Variants in SAMD12 observed in about 807,000 individuals in gnomAD.
SAMD12 encodes the protein sterile alpha motif domain-containing protein 12.
SAMD12 carries 9 observed loss-of-function variants against 15.0 expected under a neutral mutation model. The ratio of observed to expected loss-of-function variants is 0.60; its 90% CI spans 0.36 to 1.05. SAMD12 has a LOEUF of 1.05. Ranked by LOEUF, SAMD12 falls within the 50% of genes least tolerant of loss-of-function variation. The pLI is 0.01. For synonymous variants in SAMD12, 86 were observed against 90.1 expected, an observed-to-expected ratio of 0.96 and a Z score of 0.25; for missense variants, 230 against 234.2, an observed-to-expected ratio of 0.98 and a Z score of 0.12.
At chr8:118,363,724 C>T (rs1818623051) in intron 4 of SAMD12, among the ~76,000 whole-genome samples, 1 of 152,204 alleles carries the variant, frequency 6.6e-6, no homozygotes, top group African/African-American at 2.4e-5. Context: ...TCTATACATA[C>T]ATACATTCTT....
chr8:118,619,024 C>A (rs183801077), intron 1 of SAMD12, among the ~76,000 whole-genome samples: 11 of 152,234 alleles, frequency 7.2e-5, no homozygotes, highest in African/African-American at 2.6e-4. Flanking sequence ...GTAAACTGAT[C>A]ATTACTTGGC....
the SAMD12 span, among the ~76,000 whole-genome samples, chr8:118,163,921 C>G: frequency 2.1e-5 from 3 of 140,344 alleles, no homozygotes; most frequent in African/African-American, 7.9e-5. Context: ...AACAAAAAAA[C>G]AAACCTGGGG....
chr8:118,533,259 T>A (rs372222896), intron 2 of SAMD12, among the ~76,000 whole-genome samples: 5 of 152,292 alleles, frequency 3.3e-5, no homozygotes, highest in East Asian at 1.9e-4. Flanking sequence ...TTTGAGTGAG[T>A]TTCTTAATCC....
downstream of SAMD12, among the ~76,000 whole-genome samples, chr8:118,373,083 T>C (rs1395945952): frequency 6.6e-6 from 1 of 152,184 alleles, no homozygotes; most frequent in Non-Finnish European, 1.5e-5. Flanking sequence ...TTGTGGTAGT[T>C]ATTCAACTGT....
chr8:118,516,272 C>T (rs1325995302), intron 2 of SAMD12, among the ~76,000 whole-genome samples: 1 of 152,216 alleles, frequency 6.6e-6, no homozygotes, highest in East Asian at 1.9e-4. Context: ...AGTTTATATC[C>T]TAGTATTATG....
At chr8:118,166,387 C>T in the SAMD12 span, among the ~76,000 whole-genome samples, 2 of 152,058 alleles carry the variant, frequency 1.3e-5, no homozygotes, top group African/African-American at 4.8e-5. Context: ...TATCTCAAAC[C>T]CCAGATCTCC....
At chr8:118,170,818 A>C in the SAMD12 span, among the ~76,000 whole-genome samples, 1 of 152,208 alleles carries the variant, frequency 6.6e-6, no homozygotes. Flanking sequence ...TAAAAGAAAA[A>C]AAATAGATTG....
At chr8:118,261,676 A>G (rs1040579456) in intron 4 of SAMD12, among the ~76,000 whole-genome samples, 1 of 150,960 alleles carries the variant, frequency 6.6e-6, no homozygotes, top group Non-Finnish European at 1.5e-5. Context: ...AGTGACTGGC[A>G]GAGTTAATAG....
chr8:118,383,963 A>G (rs911304562), intron 3 of SAMD12, among the ~76,000 whole-genome samples: 3 of 152,106 alleles, frequency 2.0e-5, no homozygotes, highest in Non-Finnish European at 4.4e-5. Flanking sequence ...AGAGACAGAC[A>G]TATGATCCCA....
chr8:118,415,929 C>T (rs572052358), intron 3 of SAMD12, among the ~76,000 whole-genome samples: 4 of 152,296 alleles, frequency 2.6e-5, no homozygotes, highest in Admixed American at 2.0e-4. Context: ...TCATATGGAT[C>T]TTCCATTAAA....
chr8:118,227,113 C>T (rs1270293244), intron 4 of SAMD12, among the ~76,000 whole-genome samples: 3 of 152,108 alleles, frequency 2.0e-5, no homozygotes, highest in Non-Finnish European at 4.4e-5. Flanking sequence ...ATGGAATCAA[C>T]CTAAATGCCC....
intron 2 of SAMD12, among the ~76,000 whole-genome samples, chr8:118,553,913 C>A (rs902425575): frequency 1.3e-5 from 2 of 151,248 alleles, no homozygotes; most frequent in African/African-American, 4.9e-5. Context: ...ATTTATGCAG[C>A]CAAAAAACAC....
At position 118,447,963 on chromosome 8, in the gene SAMD12, C is replaced by T. The variant is rs558772184; in HGVS notation, c.193-8002G>A. Among the ~76,000 whole-genome samples the T allele has an allele frequency of 3.4e-4, 51 of 151,914 alleles. 1 individual carries two copies. In the South Asian group the frequency reaches 7.9e-3, roughly 24 times the overall value. On this transcript the variant is annotated intron_variant, in intron 2 of 3. Coordinates refer to ENST00000314727, the MANE Select transcript of SAMD12 (RefSeq NM_207506.3). Reference sequence around the variant, plus strand: ...CAAGATGGTCTTGATCTCCTGACCTCGTGATCTGCCCACCTCGGCCTCCCA... The same window carrying T: ...CAAGATGGTCTTGATCTCCTGACCTTGTGATCTGCCCACCTCGGCCTCCCA...
chr8:118,553,993 A>G lies in SAMD12; in HGVS notation c.192+26722T>C, dbSNP rs568984348. Among the ~76,000 whole-genome samples, 237 of 152,300 alleles carry G rather than the reference A, an allele frequency of 1.6e-3. 1 individual carries two copies. Among genetic ancestry groups the G allele is most frequent in the African/African-American group, 5.3e-3 (221 of 41,538 alleles). On this transcript the variant is annotated intron_variant, in intron 2 of 3. Transcript: ENST00000314727. ...CAAAACCACAGTGAGATATCATCTC[A>G]CACCAGTTAGAATGGCAATCATTAA... is the stretch of plus-strand genomic sequence containing the variant.
intron 2 of SAMD12, among the ~76,000 whole-genome samples, chr8:118,546,171 A>G (rs1344586477): frequency 6.6e-6 from 1 of 152,222 alleles, no homozygotes; most frequent in Non-Finnish European, 1.5e-5. Context: ...ATCAGAGAAT[A>G]GAATAAGGGG....
chr8:118,481,353 A>G (rs1318400823), intron 2 of SAMD12, among the ~76,000 whole-genome samples: 2 of 152,216 alleles, frequency 1.3e-5, no homozygotes, highest in Non-Finnish European at 2.9e-5. Flanking sequence ...CCATTTGAAT[A>G]CTTAACACCT....
intron 4 of SAMD12, among the ~76,000 whole-genome samples, chr8:118,249,853 G>A (rs1812779717): frequency 6.6e-6 from 1 of 152,104 alleles, no homozygotes; most frequent in South Asian, 2.1e-4. Flanking sequence ...ACTTCTGATG[G>A]AGTCATAGGT....
chr8:118,333,696 A>G (rs763566848), intron 4 of SAMD12, among the ~76,000 whole-genome samples: 5 of 152,158 alleles, frequency 3.3e-5, no homozygotes, highest in Non-Finnish European at 7.3e-5. Flanking sequence ...TTAAAGGACC[A>G]GGATTTATGT....
chr8:118,423,443 CAG>C (rs1326077194), intron 3 of SAMD12, among the ~76,000 whole-genome samples: 1 of 152,148 alleles, frequency 6.6e-6, no homozygotes, highest in African/African-American at 2.4e-5. Flanking sequence ...TATATACACA[CAG>C]AGATTTTAGA....
Sources: gnomAD v4.1 joint callset for allele counts (sites outside exome capture counted in the v4.1 genomes callset) on GRCh38, gnomAD v4.1.1 for gene constraint, MANE v1.5 for transcripts, NCBI Gene and HGNC (gene_info 2026-07-23, HGNC 2026-07-21) for gene names.